The following ZFX variants were observed in gnomAD, a reference collection of about 807,000 sequenced individuals.
ZFX encodes zinc finger X-chromosomal protein.
For synonymous variants in ZFX, 196 were observed against 226.8 expected (o/e 0.86, Z 1.22); for missense variants, 362 against 628.3 (o/e 0.58, Z 4.53).
rs149815786 is a variant in ZFX at position 24,173,542 on chromosome X, C to T, written c.58+742C>T. 8.9e-4 allele frequency: 979 copies of T among 1,105,703 alleles called. 6 individuals carry two copies. The African/African-American group carries it at 0.015, about 17-fold the overall frequency. The allele number at this position is 1,105,703 out of a possible 1,213,427, so 91.1% of individuals were successfully genotyped here. On this transcript the variant is annotated intron_variant, in intron 4 of 9. Coordinates refer to ENST00000304543, the MANE Select transcript of ZFX (RefSeq NM_003410.4). ...TAGAAAACATGTATTTCAGATTACC[C>T]ATGGTTATAATTATATAACGTTGTA...
chrX:24,203,630 C>T (rs986208369), intron 5 of ZFX, among the ~76,000 whole-genome samples: 2 of 112,370 alleles, frequency 1.8e-5, no homozygotes, highest in African/African-American at 6.5e-5. Context: ...TGCATGAGGC[C>T]CTTCATGACC....
intron 5 of ZFX, among the ~76,000 whole-genome samples, chrX:24,191,074 A>G (rs1280078017): frequency 8.9e-6 from 1 of 111,913 alleles, no homozygotes; most frequent in African/African-American, 3.2e-5. Flanking sequence ...CTTCCTGGGT[A>G]AGGGCAGGTA....
chrX:24,161,572 T>C (rs1351620244), intron 3 of ZFX: 1 of 112,019 alleles, frequency 8.9e-6, no homozygotes, highest in Non-Finnish European at 1.9e-5. Flanking sequence ...AAAGTTGACC[T>C]ACACATACAA....
At chrX:24,150,188 G>C (rs1275253242) in intron 1 of ZFX, 3 of 101,053 alleles carry the variant, frequency 3.0e-5, no homozygotes, top group Non-Finnish European at 4.1e-5. Flanking sequence ...GTGAGGGGGG[G>C]GGAGGGACGG....
chrX:24,163,364 G>GTTTT (rs66467960), intron 3 of ZFX, among the ~76,000 whole-genome samples: 352 of 19,062 alleles, frequency 0.018, 118 homozygotes, highest in Non-Finnish European at 0.026. Context: ...TTTTTGTTAG[G>GTTTT]TTTTTTTTTT....
At chrX:24,155,117 C>T (rs1429083644) in intron 3 of ZFX, among the ~76,000 whole-genome samples, 5 of 109,953 alleles carry the variant, frequency 4.5e-5, no homozygotes, top group Admixed American at 9.7e-5. Context: ...CATGTACTCC[C>T]GAACCTAAAA....
In ZFX at chrX:24,211,724, T is replaced by C. The variant is rs1459567202; in HGVS notation, c.*348T>C. 3.3e-5 allele frequency: 5 copies of C among 149,495 alleles called. 1 individual carries two copies. The highest frequency in any genetic ancestry group is 1.6e-4 in the African/African-American group (5 of 31,853). The allele number at this position is 149,495 out of a possible 1,213,427, so 12.3% of individuals were successfully genotyped here. On this transcript the variant is annotated 3_prime_UTR_variant, in exon 10 of 10. Transcript: ENST00000304543. ...CTCTTCTAAGACCATTAACTTAAGG[T>C]AACTTTATATTGGTAACTCTGAAAG...
chrX:24,198,075 T>C, intron 5 of ZFX, among the ~76,000 whole-genome samples: 1 of 112,513 alleles, frequency 8.9e-6, no homozygotes, highest in Admixed American at 9.4e-5. Flanking sequence ...AAACTAGCTA[T>C]AAAATATTTG....
chrX:24,176,634 G>A (rs1935172895), intron 4 of ZFX, among the ~76,000 whole-genome samples: 2 of 109,416 alleles, frequency 1.8e-5, no homozygotes, highest in African/African-American at 6.7e-5. Flanking sequence ...GTTTCACAAT[G>A]TTGGCCAGGC....
Position 24,206,551 on chromosome X carries a change from ATT to A in ZFX, c.647-762_647-761del, listed in dbSNP as rs1249396716. Among the ~76,000 whole-genome samples the A allele has an allele frequency of 2.4e-4, 9 of 37,539 alleles. 1 individual carries two copies. The highest frequency in any genetic ancestry group is 7.2e-4 in the East Asian group (1 of 1,383). The allele number at this position is 37,539 out of a possible 115,157, so 32.6% of individuals were successfully genotyped here. A position where few individuals can be genotyped will look rare whatever the true frequency, so the allele number is the denominator to read the frequency against. On this transcript the variant is annotated intron_variant, in intron 5 of 9. Transcript: ENST00000304543. ...TGTGTGTGTGTGTGTGTGTGTGTGT[ATT>A]TTTTTTTTTTTTGGTAGAGATGGGG...
chrX:24,181,948 C>T (rs1464290153), intron 5 of ZFX, among the ~76,000 whole-genome samples: 2 of 111,480 alleles, frequency 1.8e-5, no homozygotes, highest in African/African-American at 3.3e-5. Flanking sequence ...ATAAGATGAT[C>T]TGAAGTACGT....
At chrX:24,154,691 C>T (rs1932610746) in intron 3 of ZFX, among the ~76,000 whole-genome samples, 1 of 111,537 alleles carries the variant, frequency 9.0e-6, no homozygotes, top group African/African-American at 3.3e-5. Context: ...GGAATCCAGC[C>T]GGTTTCTATT....
chrX:24,177,572 C>CT, intron 4 of ZFX: 1 of 356,811 alleles, frequency 2.8e-6, no homozygotes, highest in Non-Finnish European at 3.6e-6. Flanking sequence ...CGCAGCTGCA[C>CT]TTGTATTTAT....
chrX:24,172,450 A>G (rs990382137), intron 3 of ZFX, among the ~76,000 whole-genome samples: 2 of 112,122 alleles, frequency 1.8e-5, no homozygotes, highest in African/African-American at 6.5e-5. Context: ...TGTGCACTTG[A>G]TAGACCTAAG....
At chrX:24,158,394 CT>C (rs1180593641) in intron 3 of ZFX, among the ~76,000 whole-genome samples, 3 of 111,189 alleles carry the variant, frequency 2.7e-5, no homozygotes, top group Admixed American at 9.6e-5. Context: ...GTTCATAATT[CT>C]TTTGTATATA....
Position 24,211,584 on chromosome X carries a change from A to G in ZFX, c.*208A>G. ...TATTCAGTTTGTTTAATAAATAGGGAAAACTGGCAACATGCTAGTTACTTT... is the reference window on the plus strand; with the variant it reads ...TATTCAGTTTGTTTAATAAATAGGGGAAACTGGCAACATGCTAGTTACTTT... On this transcript the variant is annotated 3_prime_UTR_variant, in exon 10 of 10. Transcript: ENST00000304543. 2.3e-6 allele frequency: 1 copy of G among 429,391 alleles called. No individual in the cohort carries two copies. Among genetic ancestry groups the G allele is most frequent in the Non-Finnish European group, 3.9e-6 (1 of 259,464 alleles). The allele number at this position is 429,391 out of a possible 1,213,427, so 35.4% of individuals were successfully genotyped here.
rs1304874095 is a variant in ZFX, at chrX:24,150,932, C to G, written c.-249-759C>G. ...TTCGTACTCATTTATGTGGAAACAACTTTCTTGAAAAACGATTTAAGTAGT... is the reference window on the plus strand; with the variant it reads ...TTCGTACTCATTTATGTGGAAACAAGTTTCTTGAAAAACGATTTAAGTAGT... On this transcript the variant is annotated intron_variant, in intron 1 of 9. Coordinates refer to ENST00000304543, the MANE Select transcript of ZFX (RefSeq NM_003410.4). 2.7e-5 allele frequency: 3 copies of G among 112,291 alleles called. No homozygotes were observed. The Admixed American group carries it at 2.8e-4, about 11-fold the overall frequency. The allele number at this position is 112,291 out of a possible 1,213,427, so 9.3% of individuals were successfully genotyped here.
chrX:24,206,500 C>CGTGTGTGTGT (rs774457469), intron 5 of ZFX, among the ~76,000 whole-genome samples: 36 of 59,594 alleles, frequency 6.0e-4, no homozygotes, highest in African/African-American at 2.3e-3. Context: ...CCATGCCTGG[C>CGTGTGTGTGT]GTGTGTGTGT....
At chrX:24,161,165 A>G in intron 3 of ZFX, among the ~76,000 whole-genome samples, 1 of 112,190 alleles carries the variant, frequency 8.9e-6, no homozygotes, top group Non-Finnish European at 1.9e-5. Flanking sequence ...CTTGAAATAA[A>G]TCCAACAAAG....
Sources: gnomAD v4.1 joint callset for allele counts (sites outside exome capture counted in the v4.1 genomes callset) on GRCh38, gnomAD v4.1.1 for gene constraint, MANE v1.5 for transcripts, NCBI Gene and HGNC (gene_info 2026-07-23, HGNC 2026-07-21) for gene names.